Variants in CCDC171 observed in about 807,000 individuals in gnomAD.
The protein encoded by CCDC171 is coiled-coil domain-containing protein 171.
CCDC171 carries 177 observed loss-of-function variants against 168.2 expected under a neutral mutation model. The ratio of observed to expected loss-of-function variants is 1.05; its 90% CI spans 0.93 to 1.19. CCDC171 has a LOEUF of 1.19. Among genes scored for constraint, CCDC171 ranks in the 50% most tolerant of loss-of-function variants. The pLI, the probability that CCDC171 is intolerant of heterozygous loss-of-function variation, is 0.00. For missense variants in CCDC171, 1,991 were observed against 1,539.0 expected (o/e 1.29, Z -4.91); for synonymous variants, 687 against 540.8 (o/e 1.27, Z -3.75).
chr9:15,854,785 A>AT (rs1191923482), intron 23 of CCDC171, among the ~76,000 whole-genome samples: 1 of 151,240 alleles, frequency 6.6e-6, no homozygotes, highest in Admixed American at 6.6e-5. Context: ...TTGGTTTATT[A>AT]TTTTTTTATA....
intron 24 of CCDC171, chr9:15,883,293 C>T (rs1436859571): frequency 2.0e-5 from 3 of 153,740 alleles, no homozygotes; most frequent in African/African-American, 4.8e-5. Flanking sequence ...CTCCTGGCCT[C>T]AAGCTATCCT....
intron 6 of CCDC171, among the ~76,000 whole-genome samples, chr9:15,608,687 C>T (rs1201268690): frequency 2.0e-5 from 3 of 150,710 alleles, no homozygotes; most frequent in African/African-American, 7.3e-5. Context: ...GGTGGTGGCT[C>T]CTGCCTGTAA....
chr9:16,043,350 A>G (rs1173263318), intron 1 of CCDC171, among the ~76,000 whole-genome samples: 4 of 152,144 alleles, frequency 2.6e-5, no homozygotes, highest in Admixed American at 2.6e-4. Flanking sequence ...TATTATGACT[A>G]TCATTTGTAT....
At chr9:15,751,589 C>T (rs1463598675) in intron 18 of CCDC171, among the ~76,000 whole-genome samples, 1 of 152,064 alleles carries the variant, frequency 6.6e-6, no homozygotes, top group Non-Finnish European at 1.5e-5. Context: ...AGAACAGAGG[C>T]CTCAGAAATA....
intron 6 of CCDC171, among the ~76,000 whole-genome samples, chr9:15,605,666 G>A (rs1389358213): frequency 2.7e-5 from 4 of 146,618 alleles, no homozygotes; most frequent in East Asian, 2.0e-4. Context: ...CAGCCTGGGC[G>A]ACAGAGCGAG....
rs1451634017 is a variant in CCDC171 at position 15,623,249 on chromosome 9, A to T, written c.676-18A>T. The stretch of plus-strand genomic sequence containing the variant: ...TGGCTTATAAACTTTATTGATGCAA[A>T]AATGAATTATTTTCCAGGAGCAAGA... On this transcript the variant is annotated intron_variant, in intron 6 of 25. Transcript: ENST00000380701. The T allele has an allele frequency of 1.4e-5, 21 of 1,541,442 alleles. No individual in the cohort carries two copies. Among genetic ancestry groups the T allele is most frequent in the Non-Finnish European group, 1.8e-5 (21 of 1,139,254 alleles).
At chr9:15,568,983 C>T (rs1262485504) in intron 2 of CCDC171, among the ~76,000 whole-genome samples, 1 of 152,144 alleles carries the variant, frequency 6.6e-6, no homozygotes, top group Non-Finnish European at 1.5e-5. Context: ...TTCCTGTGTC[C>T]AGGATGGTAT....
At chr9:16,020,891 G>A (rs1344694672) in intron 4 of CCDC171, 1 of 152,184 alleles carries the variant, frequency 6.6e-6, no homozygotes, top group Admixed American at 6.5e-5. Flanking sequence ...ACCTCAGAAA[G>A]CAAAATCTCT....
the CCDC171 span, among the ~76,000 whole-genome samples, chr9:16,087,807 T>C: frequency 1.1e-4 from 16 of 152,148 alleles, no homozygotes; most frequent in Non-Finnish European, 2.2e-4. Context: ...GCTGGTTATT[T>C]TGCCCTTTAG....
Position 15,745,627 on chromosome 9 carries a change from A to G in CCDC171, c.2667A>G (p.Lys889=). Residue 889 remains lysine (K), a synonymous_variant, in exon 18 of 26, where the codon AAA becomes AAG. Transcript: ENST00000380701. The stretch of plus-strand genomic sequence containing the variant: ...CTGAATTACAAGACGTCATTGGTAA[A>G]GCAGGTATGGTTCCTTCTTTTATGT... The part of the protein sequence containing the change: ...SMAELQDVIG[K]ADPNSRICGH... The G allele has an allele frequency of 6.4e-7, 1 of 1,560,090 alleles. No homozygotes were observed.
chr9:16,102,031 C>T, the CCDC171 span, among the ~76,000 whole-genome samples: 2 of 152,196 alleles, frequency 1.3e-5, no homozygotes, highest in African/African-American at 4.8e-5. Flanking sequence ...TGTTCTGCAG[C>T]AATAGTAAAC....
chr9:15,867,905 A>G (rs1488437437), intron 23 of CCDC171, among the ~76,000 whole-genome samples: 1 of 152,048 alleles, frequency 6.6e-6, no homozygotes, highest in African/African-American at 2.4e-5. Context: ...GGTGCATTCT[A>G]TAGTATATAG....
intron 25 of CCDC171, among the ~76,000 whole-genome samples, chr9:15,950,067 T>C (rs900866164): frequency 6.6e-6 from 1 of 151,864 alleles, no homozygotes; most frequent in Admixed American, 6.6e-5. Context: ...AGAAGGGAAG[T>C]TTAGACGAAA....
At chr9:15,745,673 A>G in intron 18 of CCDC171, 42 bp downstream of exon 18, 1 of 1,166,500 alleles carries the variant, frequency 8.6e-7, no homozygotes, top group Non-Finnish European at 1.2e-6. Context: ...TACATTTAAG[A>G]ACAAATATCC....
Position 15,853,811 on chromosome 9 carries a change from A to C in CCDC171, c.3468+4864A>C, listed in dbSNP as rs1308203559. 8.8e-4 allele frequency among the ~76,000 whole-genome samples: 134 copies of C among 151,562 alleles called. 2 individuals are homozygous for C. The highest frequency in any genetic ancestry group is 1.5e-4 in the Non-Finnish European group (10 of 67,598). On this transcript the variant is annotated intron_variant, in intron 23 of 25. Coordinates refer to ENST00000380701, the MANE Select transcript of CCDC171 (RefSeq NM_173550.4). Reference sequence around the variant, plus strand: ...TGAGTGTTTTTATGAAAAGGAATTCAGTTTTGTCAAATGCTTTTCTTTTTC... The same window carrying C: ...TGAGTGTTTTTATGAAAAGGAATTCCGTTTTGTCAAATGCTTTTCTTTTTC...
At chr9:16,064,080 A>G (rs1180940199), downstream of CCDC171, among the ~76,000 whole-genome samples, 2 of 152,202 alleles carry the variant, frequency 1.3e-5, no homozygotes, top group African/African-American at 4.8e-5. Flanking sequence ...TCATGACTCG[A>G]TGAGCAATTG....
At chr9:15,708,793 G>A (rs889163197) in intron 11 of CCDC171, among the ~76,000 whole-genome samples, 1 of 152,128 alleles carries the variant, frequency 6.6e-6, no homozygotes, top group Non-Finnish European at 1.5e-5. Context: ...TAAGTTCAGG[G>A]ATTGCTGCTT....
At chr9:16,054,964 C>A (rs3008733) in intron 1 of CCDC171, among the ~76,000 whole-genome samples, 2 of 152,122 alleles carry the variant, frequency 1.3e-5, no homozygotes. Context: ...CGAAGCCCCT[C>A]GGGGCAAGGG....
In CCDC171 at chr9:15,971,613, G is replaced by C; in HGVS notation, c.3758G>C (p.Gly1253Ala). Residue 1253 changes from glycine to alanine, a missense_variant, in exon 26 of 26, where the codon GGA becomes GCA. Transcript: ENST00000380701. ...TTTTTCTTTTGTATGTCACAGATAG[G>C]ATCACGAGACCATTCAAATCTCTCC... Reference protein sequence around the residue: ...LRENASLQSIGSRDHSNLSIP... With the variant: ...LRENASLQSIASRDHSNLSIP... 3 of 1,610,234 alleles carry C rather than the reference G, an allele frequency of 1.9e-6. No individual in the cohort carries two copies. Among genetic ancestry groups the C allele is most frequent in the Non-Finnish European group, 2.5e-6 (3 of 1,177,430 alleles).
Sources: gnomAD v4.1 joint callset for allele counts (sites outside exome capture counted in the v4.1 genomes callset) on GRCh38, gnomAD v4.1.1 for gene constraint, MANE v1.5 for transcripts, NCBI Gene and HGNC (gene_info 2026-07-23, HGNC 2026-07-21) for gene names.